Variants in ZNF385B observed in about 807,000 individuals in gnomAD.
The protein encoded by ZNF385B is zinc finger protein 533.
Under a neutral mutation model 39.2 loss-of-function variants are expected in ZNF385B, and 23 were observed. That is an observed-to-expected ratio of 0.59 (90% confidence interval 0.42 to 0.83). The LOEUF (loss-of-function observed/expected upper bound fraction) is 0.83. Ranked by LOEUF, ZNF385B falls within the 40% of genes least tolerant of loss-of-function variation. ZNF385B has a pLI of 0.00. For missense variants in ZNF385B, 552 were observed against 598.9 expected, an observed-to-expected ratio of 0.92 and a Z score of 0.82; for synonymous variants, 205 against 222.6, an observed-to-expected ratio of 0.92 and a Z score of 0.70.
intron 3 of ZNF385B, chr2:179,660,273 T>A (rs1353461603): frequency 6.6e-6 from 1 of 152,226 alleles, no homozygotes; most frequent in East Asian, 1.9e-4. Context: ...GTGTACTTCG[T>A]TTGAAACTAA....
intron 1 of ZNF385B, among the ~76,000 whole-genome samples, chr2:179,774,070 G>A (rs1704167566): frequency 6.6e-6 from 1 of 151,876 alleles, no homozygotes; most frequent in Non-Finnish European, 1.5e-5. Flanking sequence ...TGTGGGGTGT[G>A]TGTGGTATGT....
At chr2:179,793,568 C>T (rs972560945) in intron 1 of ZNF385B, among the ~76,000 whole-genome samples, 3 of 152,146 alleles carry the variant, frequency 2.0e-5, no homozygotes, top group Admixed American at 6.5e-5. Flanking sequence ...CTCTCTTGCC[C>T]GCCATCATGT....
intron 3 of ZNF385B, among the ~76,000 whole-genome samples, chr2:179,749,154 G>A (rs1702535666): frequency 6.6e-6 from 1 of 151,826 alleles, no homozygotes; most frequent in Non-Finnish European, 1.5e-5. Flanking sequence ...CCTATAAGAT[G>A]AGTAACACTT....
At chr2:179,520,059 C>T (rs1418492083) in intron 4 of ZNF385B, among the ~76,000 whole-genome samples, 1 of 151,922 alleles carries the variant, frequency 6.6e-6, no homozygotes, top group Non-Finnish European at 1.5e-5. Context: ...GTTCCAGGTG[C>T]AGGGGCTTAT....
chr2:179,465,809 T>C (rs557325400), intron 6 of ZNF385B, among the ~76,000 whole-genome samples: 3 of 152,174 alleles, frequency 2.0e-5, no homozygotes, highest in Non-Finnish European at 2.9e-5. Context: ...CACATAATTA[T>C]ATTATGATCT....
intron 3 of ZNF385B, among the ~76,000 whole-genome samples, chr2:179,634,845 C>T (rs1437008668): frequency 4.6e-5 from 7 of 152,028 alleles, no homozygotes; most frequent in Non-Finnish European, 1.0e-4. Context: ...AAATGTGGCA[C>T]ATGGCCGGTC....
chr2:179,725,862 C>A (rs1700975469), intron 3 of ZNF385B, among the ~76,000 whole-genome samples: 1 of 148,576 alleles, frequency 6.7e-6, no homozygotes, highest in Non-Finnish European at 1.5e-5. Context: ...TATCATATAT[C>A]TCATATATAC....
intron 3 of ZNF385B, among the ~76,000 whole-genome samples, chr2:179,623,778 G>A (rs1690424841): frequency 6.6e-6 from 1 of 152,108 alleles, no homozygotes; most frequent in Admixed American, 6.6e-5. Context: ...GTGTTTCCAT[G>A]AGCTCCCCAA....
At chr2:179,734,430 T>C (rs1298987526) in intron 3 of ZNF385B, among the ~76,000 whole-genome samples, 1 of 152,364 alleles carries the variant, frequency 6.6e-6, no homozygotes. Flanking sequence ...CATGCCCACA[T>C]ACTAGGTAGC....
chr2:179,694,744 A>G (rs1218145031), intron 3 of ZNF385B, among the ~76,000 whole-genome samples: 8 of 152,190 alleles, frequency 5.3e-5, no homozygotes, highest in Non-Finnish European at 5.9e-5. Context: ...AGCCTGGCCA[A>G]CATGGCAAAA....
At chr2:179,513,488 A>G (rs1481431005) in intron 5 of ZNF385B, among the ~76,000 whole-genome samples, 1 of 152,226 alleles carries the variant, frequency 6.6e-6, no homozygotes, top group East Asian at 1.9e-4. Context: ...TAGTAAGTAC[A>G]AAGAAAATGG....
chr2:179,459,615 G>GT, intron 6 of ZNF385B, among the ~76,000 whole-genome samples: 1 of 149,528 alleles, frequency 6.7e-6, no homozygotes, highest in East Asian at 1.9e-4. Flanking sequence ...GTGTGTGTGT[G>GT]TATGTGTGTG....
At chr2:179,478,235 C>A (rs2053634562) in intron 6 of ZNF385B, among the ~76,000 whole-genome samples, 2 of 152,026 alleles carry the variant, frequency 1.3e-5, no homozygotes, top group Admixed American at 1.3e-4. Context: ...CTCTTTAAAT[C>A]CGATATATCC....
At chr2:179,471,548 G>A (rs989286233) in intron 6 of ZNF385B, among the ~76,000 whole-genome samples, 4 of 152,054 alleles carry the variant, frequency 2.6e-5, no homozygotes, top group Admixed American at 1.3e-4. Context: ...CTGTAACTTT[G>A]TCACCAACAC....
At chr2:179,855,326 T>A (rs1339071541) in intron 1 of ZNF385B, among the ~76,000 whole-genome samples, 1 of 152,236 alleles carries the variant, frequency 6.6e-6, no homozygotes. Flanking sequence ...GAAATGTAAA[T>A]GCTTTGTACA....
At chr2:179,664,505 A>G (rs1694903151) in intron 3 of ZNF385B, among the ~76,000 whole-genome samples, 1 of 152,204 alleles carries the variant, frequency 6.6e-6, no homozygotes, top group South Asian at 2.1e-4. Flanking sequence ...AGGGAGTTAC[A>G]TGAGTTCTGA....
At chr2:179,470,958 C>T (rs1002340801) in intron 6 of ZNF385B, among the ~76,000 whole-genome samples, 9 of 152,126 alleles carry the variant, frequency 5.9e-5, no homozygotes, top group East Asian at 3.9e-4. Flanking sequence ...TATGGTAGTA[C>T]TTTCTCTTGG....
At chr2:179,776,883 C>T (rs1410567308) in intron 1 of ZNF385B, among the ~76,000 whole-genome samples, 1 of 152,014 alleles carries the variant, frequency 6.6e-6, no homozygotes, top group African/African-American at 2.4e-5. Context: ...CAGGCTGGGA[C>T]ATTTATGTTA....
intron 1 of ZNF385B, among the ~76,000 whole-genome samples, chr2:179,829,523 CT>C (rs1176592983): frequency 6.6e-6 from 1 of 150,712 alleles, no homozygotes; most frequent in Admixed American, 6.6e-5. Flanking sequence ...CTTTTTTTTT[CT>C]TTTTTTTGAG....
Sources: allele counts gnomAD v4.1 joint callset (sites outside exome capture counted in the v4.1 genomes callset), GRCh38; gene constraint gnomAD v4.1.1; transcripts MANE v1.5; gene names NCBI Gene and HGNC (gene_info 2026-07-23, HGNC 2026-07-21).